MEGF6: variants seen among roughly 807,000 people sequenced by gnomAD.
The protein encoded by MEGF6 is multiple epidermal growth factor-like domains protein 6.
A neutral mutation model predicts 207.1 loss-of-function variants in MEGF6; 184 were observed. The ratio of observed to expected loss-of-function variants is 0.89; its 90% confidence interval spans 0.79 to 1.00. MEGF6 has a LOEUF of 1.00. MEGF6 is among the 50% of genes least tolerant of loss of function. The probability of loss-of-function intolerance (pLI) is 0.00; values close to 1 mark genes in which losing one functional copy is unlikely to be tolerated. For synonymous variants in MEGF6, 1,038 were observed against 910.0 expected, an observed-to-expected ratio of 1.14 and a Z score of -2.53; for missense variants, 2,282 against 2,202.9, an observed-to-expected ratio of 1.04 and a Z score of -0.72.
Position 3,560,402 on chromosome 1 carries a change from T to C in MEGF6, c.481+19423A>G, listed in dbSNP as rs529018176. On this transcript the variant is annotated intron_variant, in intron 4 of 36. Transcript: ENST00000356575. The surrounding 1 kb of genome is among the most constrained non-coding windows in gnomAD (Gnocchi z 4.0). ...GTGTCTCATGGCCTGGATCCACCATTGTAAGATCACGCAGAGGAGTTCCTG... is the reference window on the plus strand; with the variant it reads ...GTGTCTCATGGCCTGGATCCACCATCGTAAGATCACGCAGAGGAGTTCCTG... Among the ~76,000 whole-genome samples the C allele has an allele frequency of 2.6e-5, 4 of 152,238 alleles. No individual in the cohort carries two copies. The South Asian group carries it at 8.3e-4, about 32-fold the overall frequency.
chr1:3,493,627 C>G (rs908973495), intron 34 of MEGF6, 144 bp downstream of exon 34: 23 of 1,171,764 alleles, frequency 2.0e-5, no homozygotes, highest in African/African-American at 6.2e-5. Context: ...TCCAGCCCCC[C>G]CAGGGGGCAC....
At chr1:3,545,211 G>A (rs1642664453) in intron 4 of MEGF6, among the ~76,000 whole-genome samples, 1 of 152,132 alleles carries the variant, frequency 6.6e-6, no homozygotes, top group Non-Finnish European at 1.5e-5. Flanking sequence ...AGCCCGAGAG[G>A]GGTGCACTTC....
intron 4 of MEGF6, among the ~76,000 whole-genome samples, chr1:3,567,800 G>A (rs986397193): frequency 6.6e-6 from 1 of 152,222 alleles, no homozygotes; most frequent in Non-Finnish European, 1.5e-5. Context: ...GGGACCTGGT[G>A]CAGGCAGGAC....
chr1:3,609,385 C>A (rs943659834), intron 1 of MEGF6, among the ~76,000 whole-genome samples: 1 of 152,224 alleles, frequency 6.6e-6, no homozygotes, highest in East Asian at 1.9e-4. Context: ...CGTCCAGGCA[C>A]GTGCCAGGTG....
In MEGF6 at chr1:3,545,206, G is replaced by A. The variant is rs147045753; in HGVS notation, c.482-20960C>T. Reference sequence around the variant, plus strand: ...CTCCTAGCCCCAGGGACACCAGCCCGAGAGGGGTGCACTTCTTCCCCAGGG... The same window carrying A: ...CTCCTAGCCCCAGGGACACCAGCCCAAGAGGGGTGCACTTCTTCCCCAGGG... On this transcript the variant is annotated intron_variant, in intron 4 of 36. Coordinates refer to ENST00000356575, the MANE Select transcript of MEGF6 (RefSeq NM_001409.4). 5.3e-3 allele frequency among the ~76,000 whole-genome samples: 802 copies of A among 152,210 alleles called. 5 individuals are homozygous for A. The highest frequency in any genetic ancestry group is 0.018 in the African/African-American group (765 of 41,538).
chr1:3,522,918 A>C (rs1216116699), intron 5 of MEGF6, among the ~76,000 whole-genome samples: 4 of 152,192 alleles, frequency 2.6e-5, no homozygotes, highest in Admixed American at 1.3e-4. Context: ...GGCTCCCAGA[A>C]GCCCCGCAGG....
chr1:3,499,754 T>C, intron 22 of MEGF6, 38 bp from the exon 23 acceptor site: 1 of 1,591,266 alleles, frequency 6.3e-7, no homozygotes, highest in East Asian at 2.3e-5. Context: ...GGGCCCACAC[T>C]GGAGGCCACC....
chr1:3,565,972 C>A lies in MEGF6; in HGVS notation c.481+13853G>T, dbSNP rs1055107909. Among the ~76,000 whole-genome samples the A allele has an allele frequency of 6.6e-6, 1 of 152,194 alleles. No homozygotes were observed. The highest frequency in any genetic ancestry group is 1.5e-5 in the Non-Finnish European group (1 of 68,016). On this transcript the variant is annotated intron_variant, in intron 4 of 36. Coordinates refer to ENST00000356575, the MANE Select transcript of MEGF6 (RefSeq NM_001409.4). This position sits in a 1 kb window ranked among gnomAD's most constrained non-coding sequence, Gnocchi z 4.8. ...CTATAGGACCCGCCGTGGACCACTG[C>A]CCTGCAGGTTCATAGAGCCCTGATC... is the stretch of plus-strand genomic sequence containing the variant.
At chr1:3,516,236 C>T (rs76915191) in intron 5 of MEGF6, among the ~76,000 whole-genome samples, 1 of 152,220 alleles carries the variant, frequency 6.6e-6, no homozygotes, top group East Asian at 1.9e-4. Flanking sequence ...CCTGAGCTGG[C>T]GCAGGGAGGC....
intron 1 of MEGF6, among the ~76,000 whole-genome samples, chr1:3,603,572 C>T (rs1022184692): frequency 1.3e-5 from 2 of 152,130 alleles, no homozygotes; most frequent in South Asian, 2.1e-4. Context: ...ATACCTGGTG[C>T]GGGCCGGTGT....
At chr1:3,613,344 G>A (rs572164740), upstream of MEGF6, among the ~76,000 whole-genome samples, 1 of 152,294 alleles carries the variant, frequency 6.6e-6, no homozygotes, top group South Asian at 2.1e-4. Context: ...CTGGGCCCCT[G>A]TCCTCGGGTG....
chr1:3,577,454 G>T (rs1643673629), intron 4 of MEGF6, among the ~76,000 whole-genome samples: 1 of 152,268 alleles, frequency 6.6e-6, no homozygotes, highest in African/African-American at 2.4e-5. Flanking sequence ...TAGGCTGCTT[G>T]TGAGCTGAGC....
intron 4 of MEGF6, among the ~76,000 whole-genome samples, chr1:3,552,814 T>G (rs1642927095): frequency 6.6e-6 from 1 of 151,370 alleles, no homozygotes; most frequent in Non-Finnish European, 1.5e-5. Flanking sequence ...ACCCCCCACT[T>G]TTCTCTGCAG....
intron 4 of MEGF6, among the ~76,000 whole-genome samples, chr1:3,575,983 G>A (rs999446876): frequency 3.9e-5 from 5 of 126,700 alleles, no homozygotes; most frequent in Non-Finnish European, 5.5e-5. Context: ...ACAAAACATC[G>A]CCAAATCTCC....
intron 15 of MEGF6, 32 bp downstream of exon 15, chr1:3,506,076 C>T: frequency 1.9e-6 from 3 of 1,566,750 alleles, no homozygotes; most frequent in South Asian, 2.3e-5. Flanking sequence ...GCTGCCACCA[C>T]CATGGACACT....
At chr1:3,500,518 G>C in intron 21 of MEGF6, 115 bp downstream of exon 21, 2 of 1,398,540 alleles carry the variant, frequency 1.4e-6, no homozygotes, top group Non-Finnish European at 1.9e-6. Context: ...CAAAGGCTTC[G>C]TGTGTGTGCG....
chr1:3,616,429 C>T (rs112989659), upstream of MEGF6, among the ~76,000 whole-genome samples: 305 of 152,296 alleles, frequency 2.0e-3, 1 homozygote, highest in Middle Eastern at 6.8e-3. Context: ...CGTACCGCCC[C>T]GGTCTGTTCC....
intron 4 of MEGF6, among the ~76,000 whole-genome samples, chr1:3,553,258 C>T (rs550700215): frequency 2.0e-5 from 3 of 151,888 alleles, no homozygotes; most frequent in African/African-American, 7.2e-5. Context: ...AGGGGCCCAG[C>T]CTGCCCAGCT....
intron 18 of MEGF6, among the ~76,000 whole-genome samples, 199 bp from the exon 19 acceptor site, chr1:3,501,507 C>T (rs1205525034): frequency 6.6e-6 from 1 of 152,000 alleles, no homozygotes; most frequent in Non-Finnish European, 1.5e-5. Context: ...AGTAGAGGAC[C>T]CCCAGCCCCC....
Sources: allele counts gnomAD v4.1 joint callset (sites outside exome capture counted in the v4.1 genomes callset), GRCh38; gene constraint gnomAD v4.1.1; non-coding constraint Gnocchi (gnomAD v3.1); transcripts MANE v1.5; gene names NCBI Gene and HGNC (gene_info 2026-07-23, HGNC 2026-07-21).